Variants in RAB19 observed in about 807,000 individuals in gnomAD.
The protein encoded by RAB19 is RAB19, member RAS oncogene family, also known as ras-related protein Rab-19.
RAB19 carries 21 observed loss-of-function variants against 17.3 expected under a neutral mutation model. The observed-to-expected ratio is 1.21, with a 90% CI of 0.86 to 1.74. The LOEUF is 1.74. Ranked by LOEUF, RAB19 falls within the 40% of genes most tolerant of loss-of-function variation. The pLI is 0.00. For synonymous variants in RAB19, 126 were observed against 110.4 expected, an observed-to-expected ratio of 1.14 and a Z score of -0.88; for missense variants, 277 against 286.8, an observed-to-expected ratio of 0.97 and a Z score of 0.25.
At chr7:140,411,408 T>A (rs1799359322) in intron 2 of RAB19, among the ~76,000 whole-genome samples, 1 of 151,946 alleles carries the variant, frequency 6.6e-6, no homozygotes, top group Admixed American at 6.6e-5. Flanking sequence ...TCAAAAAAAA[T>A]AGGTCCATCT....
At chr7:140,416,331 AAATC>A (rs972636131) in intron 3 of RAB19, among the ~76,000 whole-genome samples, 16 of 152,112 alleles carry the variant, frequency 1.1e-4, no homozygotes, top group East Asian at 5.8e-4. Context: ...TCTGTCTAAA[AAATC>A]AATCAATCAA....
At chr7:140,407,870 C>G (rs759789514) in intron 2 of RAB19, 23 bp downstream of exon 2, 1 of 968,300 alleles carries the variant, frequency 1.0e-6, no homozygotes, top group African/African-American at 1.7e-5. Context: ...CGGGACGGGA[C>G]TGGTTCCACC....
At chr7:140,417,762 T>C (rs2001941) in intron 3 of RAB19, among the ~76,000 whole-genome samples, 33,012 of 152,116 alleles carry the variant, frequency 0.22, 5,646 homozygotes, top group African/African-American at 0.48. Context: ...CTGGACGCTG[T>C]AGGGGAGACT....
intron 2 of RAB19, among the ~76,000 whole-genome samples, chr7:140,410,313 CTTTTTTTTTTTT>C (rs762151021): frequency 2.5e-5 from 2 of 81,034 alleles, no homozygotes; most frequent in Non-Finnish European, 4.3e-5. Flanking sequence ...TTGTATTTTT[CTTTTTTTTTTTT>C]TTTTTTTTTT....
At chr7:140,425,683 C>T (rs189365871) in intron 3 of RAB19, among the ~76,000 whole-genome samples, 199 bp from the exon 4 acceptor site, 49 of 151,078 alleles carry the variant, frequency 3.2e-4, no homozygotes, top group African/African-American at 1.1e-3. Flanking sequence ...AAGATTGCGC[C>T]ATTGCACTCC....
chr7:140,426,072 C>A lies in RAB19; in HGVS notation c.576C>A (p.Ala192=). Residue 192 remains alanine (A), a synonymous_variant, in exon 4 of 4, where the codon GCC becomes GCA. Transcript: ENST00000537763. The part of the protein sequence containing the change: ...RNSLHLYGES[A]LNGLPLDSSP... ...GCCTGCACCTATATGGGGAGAGTGC[C>A]CTGAACGGCCTCCCCCTGGACTCCA... The A allele has an allele frequency of 6.2e-7, 1 of 1,614,170 alleles. No individual in the cohort carries two copies. Among genetic ancestry groups the A allele is most frequent in the East Asian group, 2.2e-5 (1 of 44,874 alleles).
At chr7:140,416,664 T>A (rs1056425284) in intron 3 of RAB19, among the ~76,000 whole-genome samples, 1 of 152,192 alleles carries the variant, frequency 6.6e-6, no homozygotes, top group Non-Finnish European at 1.5e-5. Flanking sequence ...AAACTTCAGA[T>A]CCTTTCCCTT....
chr7:140,409,865 T>C lies in RAB19; in HGVS notation c.202-2009T>C, dbSNP rs868129036. 4.2e-3 allele frequency among the ~76,000 whole-genome samples: 630 copies of C among 150,756 alleles called. 4 individuals are homozygous for C. The highest frequency in any genetic ancestry group is 0.015 in the African/African-American group (602 of 41,026). The stretch of plus-strand genomic sequence containing the variant: ...AAAATCAGCCGGGCCTGGTGGCGGG[T>C]GCCTGTAGTCCCAGCTACTTGGGAG... On this transcript the variant is annotated intron_variant, in intron 2 of 3. Coordinates refer to ENST00000537763, the MANE Select transcript of RAB19 (RefSeq NM_001008749.3).
chr7:140,405,557 G>C (rs200773970), intron 1 of RAB19, among the ~76,000 whole-genome samples: 6 of 25,090 alleles, frequency 2.4e-4, no homozygotes, highest in Non-Finnish European at 4.5e-4. Context: ...GGGCGGGGAG[G>C]GGGGGCGCAG....
intron 2 of RAB19, chr7:140,410,912 G>A: frequency 7.3e-7 from 1 of 1,364,986 alleles, no homozygotes; most frequent in Admixed American, 1.9e-5. Flanking sequence ...TGGCTAATTT[G>A]GGAGGTATTA....
intron 1 of RAB19, among the ~76,000 whole-genome samples, chr7:140,406,841 A>G (rs910527190): frequency 1.3e-5 from 2 of 151,750 alleles, no homozygotes; most frequent in African/African-American, 2.4e-5. Context: ...ACCTCTTATC[A>G]GTCCTCGTTG....
At chr7:140,405,812 A>C (rs1226310646) in intron 1 of RAB19, among the ~76,000 whole-genome samples, 1 of 151,142 alleles carries the variant, frequency 6.6e-6, no homozygotes, top group Non-Finnish European at 1.5e-5. Context: ...AAAAAAGAAT[A>C]CTAAGAAATA....
intron 3 of RAB19, 121 bp downstream of exon 3, chr7:140,412,178 A>G (rs1470276104): frequency 1.4e-5 from 14 of 1,028,230 alleles, no homozygotes; most frequent in Non-Finnish European, 2.1e-5. Flanking sequence ...GCAGCCGGGC[A>G]CAGTGGCTCA....
chr7:140,426,800 T>A lies in RAB19; in HGVS notation c.*650T>A, dbSNP rs975531166. On this transcript the variant is annotated 3_prime_UTR_variant, in exon 4 of 4. Coordinates refer to ENST00000537763, the MANE Select transcript of RAB19 (RefSeq NM_001008749.3). The stretch of plus-strand genomic sequence containing the variant: ...TCTAGCAGGGCTGACTTGGCCACCC[T>A]CTTGGGATAGGGGAAGACACCTGCA... 1.1e-4 allele frequency among the ~76,000 whole-genome samples: 16 copies of A among 151,438 alleles called. No individual in the cohort carries two copies. Among genetic ancestry groups the A allele is most frequent in the Admixed American group, 8.6e-4 (13 of 15,148 alleles).
rs574686417 is a variant in RAB19 at position 140,425,999 on chromosome 7, T to C, written c.503T>C (p.Ile168Thr). Residue 168 changes from isoleucine (I) to threonine (T), a missense_variant, in exon 4 of 4, where the codon ATA becomes ACA. Transcript: ENST00000537763. ...ACATCTGCCAAGGAGTCAAAGAACA[T>C]AGAAGAAGTCTTCGTGCTCATGGCC... The part of the protein sequence containing the change: ...LETSAKESKN[I>T]EEVFVLMAKE... 7.4e-6 allele frequency: 12 copies of C among 1,614,020 alleles called. No individual in the cohort carries two copies. In the Admixed American group the frequency reaches 1.2e-4, roughly 16 times the overall value.
At chr7:140,410,989 T>A (rs564914342) in intron 2 of RAB19, 1 of 1,367,684 alleles carries the variant, frequency 7.3e-7, no homozygotes, top group Non-Finnish European at 9.8e-7. Flanking sequence ...TCGGCCAGTA[T>A]TATCACCTTT....
chr7:140,411,705 C>A, intron 2 of RAB19, 169 bp from the exon 3 acceptor site: 1 of 1,442,372 alleles, frequency 6.9e-7, no homozygotes, highest in Non-Finnish European at 9.2e-7. Context: ...TCCAAGTCAT[C>A]CAGGGAGCAA....
At chr7:140,409,775 C>T (rs1243318921) in intron 2 of RAB19, among the ~76,000 whole-genome samples, 3 of 151,772 alleles carry the variant, frequency 2.0e-5, no homozygotes, top group Non-Finnish European at 2.9e-5. Flanking sequence ...GGGTGGATTA[C>T]GAGGTCAGGA....
At chr7:140,407,576 G>C in intron 1 of RAB19, 48 bp from the exon 2 acceptor site, 2 of 1,437,414 alleles carry the variant, frequency 1.4e-6, no homozygotes, top group Non-Finnish European at 2.0e-6. Context: ...GTCTTGTCTT[G>C]TACTGGATCC....
Sources: allele counts gnomAD v4.1 joint callset (sites outside exome capture counted in the v4.1 genomes callset), GRCh38; gene constraint gnomAD v4.1.1; transcripts MANE v1.5; gene names NCBI Gene and HGNC (gene_info 2026-07-23, HGNC 2026-07-21).